Variants in KIAA0319 observed in about 807,000 individuals in gnomAD.
The protein encoded by KIAA0319 is dyslexia-associated protein KIAA0319.
KIAA0319 carries 83 observed loss-of-function variants against 108.4 expected under a neutral mutation model. The ratio of observed to expected loss-of-function variants is 0.77; its 90% CI spans 0.64 to 0.92. The LOEUF is 0.92. KIAA0319 is among the 40% of genes least tolerant of loss of function. The pLI, the probability that KIAA0319 is intolerant of heterozygous loss-of-function variation, is 0.00. For synonymous variants in KIAA0319, 484 were observed against 510.4 expected (o/e 0.95, Z 0.70); for missense variants, 1,195 against 1,322.4 (o/e 0.90, Z 1.49).
At chr6:24,563,315 A>G (rs1285863575) in intron 16 of KIAA0319, 44 bp downstream of exon 16, 1 of 1,576,400 alleles carries the variant, frequency 6.3e-7, no homozygotes. Context: ...TAAGAGCTGG[A>G]ATTTTGTACG....
intron 2 of KIAA0319, chr6:24,600,745 G>A (rs943545044): frequency 1.6e-6 from 2 of 1,269,598 alleles, no homozygotes; most frequent in Non-Finnish European, 2.2e-6. Context: ...CTGATAAAAG[G>A]AAGTCTGGCC....
chr6:24,570,005 C>G lies in KIAA0319; in HGVS notation c.1889G>C (p.Gly630Ala). The stretch of plus-strand genomic sequence containing the variant: ...TGGGAAGATCAGCTCTTTATCAGGG[C>G]CGGCCACAGCCACTGGAGGTCTATT... ...ENNRPPVAVA[G>A]PDKELIFPVE... Residue 630 changes from glycine to alanine, a missense_variant, in exon 12 of 21, where the codon GGC becomes GCC. By Grantham distance (60) the Gly-to-Ala change is moderately conservative. Transcript: ENST00000378214. 1.9e-6 allele frequency: 3 copies of G among 1,614,008 alleles called. No homozygotes were observed. The highest frequency in any genetic ancestry group is 2.5e-6 in the Non-Finnish European group (3 of 1,179,958).
intron 19 of KIAA0319, among the ~76,000 whole-genome samples, chr6:24,552,890 C>T (rs1761707679): frequency 6.6e-6 from 1 of 152,166 alleles, no homozygotes. Context: ...CAGGCATGAG[C>T]CACCTAGCCC....
At chr6:24,615,816 A>C (rs1773069737) in intron 1 of KIAA0319, among the ~76,000 whole-genome samples, 1 of 152,212 alleles carries the variant, frequency 6.6e-6, no homozygotes, top group South Asian at 2.1e-4. Flanking sequence ...TGAAAGATGA[A>C]GACTTAGTCA....
intron 1 of KIAA0319, among the ~76,000 whole-genome samples, chr6:24,602,723 T>C (rs1770826286): frequency 1.3e-5 from 2 of 151,436 alleles, no homozygotes; most frequent in South Asian, 2.1e-4. Flanking sequence ...ATGGCGTGAA[T>C]CCGGGAGGCG....
At chr6:24,600,610 T>C in intron 2 of KIAA0319, 1 of 1,433,128 alleles carries the variant, frequency 7.0e-7, no homozygotes, top group South Asian at 1.2e-5. Context: ...CAATCCTTGG[T>C]ATACTCACAT....
At chr6:24,583,298 T>C (rs984229629) in intron 5 of KIAA0319, 5 of 1,004,976 alleles carry the variant, frequency 5.0e-6, no homozygotes, top group South Asian at 3.6e-5. Context: ...CTATGGGTTA[T>C]TACAGTTCAA....
chr6:24,601,098 C>A lies in KIAA0319; in HGVS notation c.6G>T (p.Ala2=), dbSNP rs749871433. The A allele has an allele frequency of 6.2e-7, 1 of 1,614,050 alleles. No homozygotes were observed. The highest frequency in any genetic ancestry group is 1.3e-5 in the African/African-American group (1 of 75,028). Residue 2 remains alanine, a synonymous_variant, in exon 2 of 21, where the codon GCG becomes GCT. Coordinates refer to ENST00000378214, the MANE Select transcript of KIAA0319 (RefSeq NM_014809.4). ...ATGAAGAGAGCACACCTGTGGGGGG[C>A]GCCATTGTGCACCACACAGTGGGTG... M[A]PPTGVLSSLL...
chr6:24,588,072 C>T (rs1246602476), intron 4 of KIAA0319, among the ~76,000 whole-genome samples: 1 of 152,232 alleles, frequency 6.6e-6, no homozygotes, highest in Non-Finnish European at 1.5e-5. Flanking sequence ...TCCGAAATGT[C>T]CCGTGAGCTC....
At chr6:24,548,609 G>C (rs1385345049) in intron 20 of KIAA0319, among the ~76,000 whole-genome samples, 1 of 152,192 alleles carries the variant, frequency 6.6e-6, no homozygotes, top group African/African-American at 2.4e-5. Context: ...CTCTATCAGT[G>C]AGATTTGAAG....
intron 8 of KIAA0319, 60 bp from the exon 9 acceptor site, chr6:24,578,302 A>G (rs1382639555): frequency 7.7e-7 from 1 of 1,292,402 alleles, no homozygotes; most frequent in Non-Finnish European, 1.1e-6. Flanking sequence ...CATAAGTTTT[A>G]TACTTTAATT....
chr6:24,541,956 A>G (rs951204038), downstream of KIAA0319, among the ~76,000 whole-genome samples: 2 of 152,190 alleles, frequency 1.3e-5, no homozygotes, highest in Non-Finnish European at 2.9e-5. Context: ...CCTTGCCAAC[A>G]TGGCGAAACT....
In KIAA0319 at chr6:24,607,965, T is replaced by C. The variant is rs571512768; in HGVS notation, c.-105-6757A>G. ...AAAGATGCTTAAATGCCAATTTAAGTCTCAAGGAGAAAACAATTTAAAAAA... is the reference window on the plus strand; with the variant it reads ...AAAGATGCTTAAATGCCAATTTAAGCCTCAAGGAGAAAACAATTTAAAAAA... On this transcript the variant is annotated intron_variant, in intron 1 of 20. Coordinates refer to ENST00000378214, the MANE Select transcript of KIAA0319 (RefSeq NM_014809.4). Among the ~76,000 whole-genome samples the C allele has an allele frequency of 4.1e-4, 62 of 152,202 alleles. 1 individual carries two copies. The South Asian group carries it at 0.012, about 31-fold the overall frequency.
intron 7 of KIAA0319, among the ~76,000 whole-genome samples, chr6:24,580,311 TC>T (rs553867582): frequency 3.7e-4 from 49 of 133,222 alleles, no homozygotes; most frequent in African/African-American, 8.0e-4. Flanking sequence ...TGAAGGCAAC[TC>T]CCCCCCCCAC....
At chr6:24,543,759 A>G (rs574749125), downstream of KIAA0319, among the ~76,000 whole-genome samples, 1 of 152,282 alleles carries the variant, frequency 6.6e-6, no homozygotes, top group Admixed American at 6.5e-5. Context: ...TTTATTACTG[A>G]TAAGAGCTAG....
At chr6:24,543,443 CTTT>C (rs1489437214), downstream of KIAA0319, among the ~76,000 whole-genome samples, 1 of 150,972 alleles carries the variant, frequency 6.6e-6, no homozygotes, top group African/African-American at 2.4e-5. Flanking sequence ...ATTTTTTTTT[CTTT>C]TTTTCTGAGA....
chr6:24,567,591 C>T (rs1331573832), intron 13 of KIAA0319, among the ~76,000 whole-genome samples: 1 of 152,100 alleles, frequency 6.6e-6, no homozygotes, highest in Non-Finnish European at 1.5e-5. Flanking sequence ...GACCCAGCTA[C>T]TCAGGAAGCT....
chr6:24,582,736 A>G (rs975447579), intron 5 of KIAA0319, among the ~76,000 whole-genome samples: 3 of 151,564 alleles, frequency 2.0e-5, no homozygotes, highest in South Asian at 4.1e-4. Flanking sequence ...CTGACTATCC[A>G]TATCAGTTTT....
At chr6:24,564,112 C>A (rs959201433) in intron 15 of KIAA0319, 90 bp downstream of exon 15, 36 of 1,539,200 alleles carry the variant, frequency 2.3e-5, no homozygotes, top group Non-Finnish European at 3.0e-5. Context: ...CACAGGAGGC[C>A]TCCCACACTG....
Sources: allele counts gnomAD v4.1 joint callset (sites outside exome capture counted in the v4.1 genomes callset), GRCh38; gene constraint gnomAD v4.1.1; transcripts MANE v1.5; gene names NCBI Gene and HGNC (gene_info 2026-07-23, HGNC 2026-07-21).